Variants in APOBEC4 observed in about 807,000 individuals in gnomAD.
APOBEC4 encodes the protein apolipoprotein B mRNA editing enzyme catalytic polypeptide like 4.
For synonymous variants in APOBEC4, 141 were observed against 154.2 expected (o/e 0.91, Z 0.63); for missense variants, 375 against 441.2 (o/e 0.85, Z 1.34).
Position 183,648,236 on chromosome 1 carries a change from C to A in APOBEC4, c.546G>T (p.Pro182=). The part of the protein sequence containing the change: ...EALRSLASLW[P]RVVLSPISGG... ...CACTTATTGGACTCAAAACAACCCG[C>A]GGCCATAAGCTGGCCAGGCTCCGGA... The change falls in exon 2 of 2, where the codon CCG becomes CCT. Residue 182 remains proline, a synonymous_variant. Transcript: ENST00000308641. 1 of 1,614,110 alleles carries A rather than the reference C, an allele frequency of 6.2e-7. No individual in the cohort carries two copies. The highest frequency in any genetic ancestry group is 8.5e-7 in the Non-Finnish European group (1 of 1,180,018).
Position 183,648,913 on chromosome 1 carries a change from T to C in APOBEC4, c.-30-102A>G, listed in dbSNP as rs569838577. 1.2e-3 allele frequency: 883 copies of C among 711,780 alleles called. 1 individual carries two copies. The highest frequency in any genetic ancestry group is 1.8e-3 in the Non-Finnish European group (776 of 435,136). 44.1% of individuals were successfully genotyped at this position (711,780 alleles called of 1,614,324 possible). On this transcript the variant is annotated intron_variant, in intron 1 of 1. Coordinates refer to ENST00000308641, the MANE Select transcript of APOBEC4 (RefSeq NM_203454.3). Reference sequence around the variant, plus strand: ...ACTTTCTTTAAAGGAAGTAGCACAATAAAGATAGTGATATATGCATAGATT... The same window carrying C: ...ACTTTCTTTAAAGGAAGTAGCACAACAAAGATAGTGATATATGCATAGATT...
Position 183,648,698 on chromosome 1 carries a change from G to A in APOBEC4, c.84C>T (p.Cys28=). ...PYYWLSFSLD[C]SNCPYHIRTG... ...TTCGAATATGGTAAGGACAATTAGAGCAATCGAGAGAGAAGCTTAGCCAGT... is the reference window on the plus strand; with the variant it reads ...TTCGAATATGGTAAGGACAATTAGAACAATCGAGAGAGAAGCTTAGCCAGT... The change falls in exon 2 of 2, where the codon TGC becomes TGT. Residue 28 remains cysteine, a synonymous_variant. Coordinates refer to ENST00000308641, the MANE Select transcript of APOBEC4 (RefSeq NM_203454.3). The A allele has an allele frequency of 3.1e-6, 5 of 1,614,122 alleles. No individual in the cohort carries two copies. The highest frequency in any genetic ancestry group is 2.2e-5 in the South Asian group (2 of 91,086).
In APOBEC4 at chr1:183,648,234, C is replaced by T. The variant is rs377221716; in HGVS notation, c.548G>A (p.Arg183Gln). ...ALRSLASLWPRVVLSPISGGI... is the reference protein window; with the variant it reads ...ALRSLASLWPQVVLSPISGGI... Reference sequence around the variant, plus strand: ...ACCACTTATTGGACTCAAAACAACCCGCGGCCATAAGCTGGCCAGGCTCCG... The same window carrying T: ...ACCACTTATTGGACTCAAAACAACCTGCGGCCATAAGCTGGCCAGGCTCCG... Residue 183 changes from arginine to glutamine, a missense_variant, in exon 2 of 2, where the codon CGG becomes CAG. Arg to Gln is a conservative substitution (Grantham distance 43). Coordinates refer to ENST00000308641, the MANE Select transcript of APOBEC4 (RefSeq NM_203454.3). 19 of 1,614,070 alleles carry T rather than the reference C, an allele frequency of 1.2e-5. No individual in the cohort carries two copies. The highest frequency in any genetic ancestry group is 8.0e-5 in the African/African-American group (6 of 74,922).
At chr1:183,652,928 C>T (rs932369587) in intron 1 of APOBEC4, 144 bp downstream of exon 1, 8 of 152,330 alleles carry the variant, frequency 5.3e-5, no homozygotes, top group African/African-American at 1.9e-4. Context: ...TAAGGACAAT[C>T]TGCTCTCATT....
Position 183,647,531 on chromosome 1 carries a change from T to G in APOBEC4, c.*147A>C, listed in dbSNP as rs1440153137. ...TTAAAATAGTGTAACTTTATAATAG[T>G]TGATATGGTAAATAATTCAAGGTTT... On this transcript the variant is annotated 3_prime_UTR_variant, in exon 2 of 2. Coordinates refer to ENST00000308641, the MANE Select transcript of APOBEC4 (RefSeq NM_203454.3). 1 of 1,275,196 alleles carries G rather than the reference T, an allele frequency of 7.8e-7. No homozygotes were observed. Among genetic ancestry groups the G allele is most frequent in the East Asian group, 2.4e-5 (1 of 42,038 alleles). 79.0% of individuals were successfully genotyped at this position (1,275,196 alleles called of 1,614,324 possible).
rs6661715 is a variant in APOBEC4 at position 183,653,179 on chromosome 1, A to G, written c.-138T>C. The G allele has an allele frequency of 0.082, 12,426 of 152,204 alleles. 995 individuals are homozygous for G. Among genetic ancestry groups the G allele is most frequent in the African/African-American group, 0.21 (8,666 of 41,498 alleles). The allele number at this position is 152,204 out of a possible 1,614,324, so 9.4% of individuals were successfully genotyped here. On this transcript the variant is annotated 5_prime_UTR_variant, in exon 1 of 2. Coordinates refer to ENST00000308641, the MANE Select transcript of APOBEC4 (RefSeq NM_203454.3). ...ATGCCCTGTTTCAAGTAGCTTCAGA[A>G]GGCAATTGTGCTGTAAAGATTCACC...
rs1650367723 is a variant in APOBEC4, at chr1:183,647,380, T to C, written c.*298A>G. The C allele has an allele frequency of 4.5e-6, 1 of 221,522 alleles. No individual in the cohort carries two copies. The highest frequency in any genetic ancestry group is 8.8e-6 in the Non-Finnish European group (1 of 113,372). 13.7% of individuals were successfully genotyped at this position (221,522 alleles called of 1,614,324 possible). A position where few individuals can be genotyped will look rare whatever the true frequency, so the allele number is the denominator to read the frequency against. ...TAGTGGAAAGATGATGTGAGTAAAA[T>C]AGAATAATGAGATTCCTTTTCTGCA... On this transcript the variant is annotated 3_prime_UTR_variant, in exon 2 of 2. Coordinates refer to ENST00000308641, the MANE Select transcript of APOBEC4 (RefSeq NM_203454.3).
chr1:183,648,823 A>C lies in APOBEC4; in HGVS notation c.-30-12T>G. The C allele has an allele frequency of 6.8e-7, 1 of 1,476,674 alleles. No individual in the cohort carries two copies. The highest frequency in any genetic ancestry group is 9.1e-7 in the Non-Finnish European group (1 of 1,096,796). 91.5% of individuals were successfully genotyped at this position (1,476,674 alleles called of 1,614,324 possible). ...TTCTAGCTGCAAACCTAAACAAGGA[A>C]GAGAAATTACATATAAAACCAGCGC... On this transcript the variant is annotated splice_polypyrimidine_tract_variant and intron_variant, in intron 1 of 1. Coordinates refer to ENST00000308641, the MANE Select transcript of APOBEC4 (RefSeq NM_203454.3).
At chr1:183,649,385 ATCTT>A (rs1650553980) in intron 1 of APOBEC4, among the ~76,000 whole-genome samples, 1 of 152,210 alleles carries the variant, frequency 6.6e-6, no homozygotes, top group Non-Finnish European at 1.5e-5. Flanking sequence ...TTTGTTCATG[ATCTT>A]TCTTCTCAGA....
Position 183,647,766 on chromosome 1 carries a change from C to A in APOBEC4, c.1016G>T (p.Gly339Val), listed in dbSNP as rs750282103. 1 of 1,614,182 alleles carries A rather than the reference C, an allele frequency of 6.2e-7. No individual in the cohort carries two copies. Among genetic ancestry groups the A allele is most frequent in the Non-Finnish European group, 8.5e-7 (1 of 1,180,026 alleles). Reference sequence around the variant, plus strand: ...GATTTCCACTATCTCCACTGACCTTCCAGTGGGAAGCCTTCCAAGGTCCTT... The same window carrying A: ...GATTTCCACTATCTCCACTGACCTTACAGTGGGAAGCCTTCCAAGGTCCTT... ...ETKDLGRLPT[G>V]RSVEIVEITE... The change falls in exon 2 of 2, where the codon GGA becomes GTA. Residue 339 changes from glycine to valine, a missense_variant. Gly to Val is a moderately radical substitution (Grantham distance 109). Transcript: ENST00000308641.
intron 1 of APOBEC4, among the ~76,000 whole-genome samples, chr1:183,649,312 G>A (rs1021532477): frequency 7.2e-5 from 11 of 152,184 alleles, no homozygotes; most frequent in Non-Finnish European, 4.4e-5. Flanking sequence ...AGTAGTAAAA[G>A]TACAAATCCT....
rs1261942811 is a variant in APOBEC4, at chr1:183,646,995, A to G, written c.*683T>C. ...AGCCAGTAAGAGGAACTTGGATTTT[A>G]TACAGTATGTGATGACAGGAGCCAT... On this transcript the variant is annotated 3_prime_UTR_variant, in exon 2 of 2. Transcript: ENST00000308641. 1 of 152,246 alleles carries G rather than the reference A, an allele frequency of 6.6e-6. No individual in the cohort carries two copies. Among genetic ancestry groups the G allele is most frequent in the East Asian group, 1.9e-4 (1 of 5,204 alleles). The allele number at this position is 152,246 out of a possible 1,614,324, so 9.4% of individuals were successfully genotyped here. A position where few individuals can be genotyped will look rare whatever the true frequency, so the allele number is the denominator to read the frequency against.
At chr1:183,650,247 T>C (rs1650623205) in intron 1 of APOBEC4, among the ~76,000 whole-genome samples, 1 of 142,290 alleles carries the variant, frequency 7.0e-6, no homozygotes, top group Non-Finnish European at 1.5e-5. Flanking sequence ...TCCCATGTTA[T>C]TAAAAATAAT....
rs985930154 is a variant in APOBEC4 at position 183,652,409 on chromosome 1, G to C, written c.-31+663C>G. Among the ~76,000 whole-genome samples, 16 of 152,276 alleles carry C rather than the reference G, an allele frequency of 1.1e-4. No homozygotes were observed. In the East Asian group the frequency reaches 2.9e-3, roughly 28 times the overall value. ...AACTTTTCAGTGTCAACCAACTATA[G>C]TTTCCTATTGGTGAAGTTTTCACTT... On this transcript the variant is annotated intron_variant, in intron 1 of 1. Coordinates refer to ENST00000308641, the MANE Select transcript of APOBEC4 (RefSeq NM_203454.3).
chr1:183,652,872 C>T (rs978598033), intron 1 of APOBEC4, among the ~76,000 whole-genome samples, 200 bp downstream of exon 1: 1 of 152,158 alleles, frequency 6.6e-6, no homozygotes, highest in Admixed American at 6.5e-5. Context: ...GGACTGGGAC[C>T]GTGGGAGGAC....
chr1:183,650,435 C>T (rs61811210), intron 1 of APOBEC4, among the ~76,000 whole-genome samples: 6 of 151,888 alleles, frequency 4.0e-5, no homozygotes, highest in African/African-American at 1.2e-4. Context: ...CCCAGTTACT[C>T]GGGAGGCTGA....
rs2101989108 is a variant in APOBEC4, at chr1:183,647,645, G to A, written c.*33C>T. On this transcript the variant is annotated 3_prime_UTR_variant, in exon 2 of 2. Coordinates refer to ENST00000308641, the MANE Select transcript of APOBEC4 (RefSeq NM_203454.3). ...TTATTGCCTATCTAATAAGTCCCTTGGTAATTGGTTTCATGCTGTAGGAAT... is the reference window on the plus strand; with the variant it reads ...TTATTGCCTATCTAATAAGTCCCTTAGTAATTGGTTTCATGCTGTAGGAAT... 6.5e-7 allele frequency: 1 copy of A among 1,545,654 alleles called. No individual in the cohort carries two copies. Among genetic ancestry groups the A allele is most frequent in the South Asian group, 1.2e-5 (1 of 80,786 alleles).
rs1351021060 is a variant in APOBEC4 at position 183,646,596 on chromosome 1, G to A, written c.*1082C>T. 6.6e-6 allele frequency: 1 copy of A among 152,198 alleles called. No individual in the cohort carries two copies. The highest frequency in any genetic ancestry group is 2.4e-5 in the African/African-American group (1 of 41,444). 9.4% of individuals were successfully genotyped at this position (152,198 alleles called of 1,614,324 possible). A position where few individuals can be genotyped will look rare whatever the true frequency, so the allele number is the denominator to read the frequency against. On this transcript the variant is annotated 3_prime_UTR_variant, in exon 2 of 2. Coordinates refer to ENST00000308641, the MANE Select transcript of APOBEC4 (RefSeq NM_203454.3). ...TAATCAAGGAGCACTTCCTAGAAGT[G>A]TGTTTTGAAGATTTTAAGAGAAGGT...
intron 1 of APOBEC4, among the ~76,000 whole-genome samples, chr1:183,650,646 A>G (rs16861400): frequency 0.069 from 10,422 of 151,926 alleles, 620 homozygotes; most frequent in African/African-American, 0.16. Flanking sequence ...ACACTTTGAT[A>G]AATATTTCTG....
Sources: allele counts gnomAD v4.1 joint callset (sites outside exome capture counted in the v4.1 genomes callset), GRCh38; gene constraint gnomAD v4.1.1; transcripts MANE v1.5; gene names NCBI Gene and HGNC (gene_info 2026-07-23, HGNC 2026-07-21).